Variants in DLGAP2 observed in about 807,000 individuals in gnomAD.
The protein encoded by DLGAP2 is DLG associated protein 2.
DLGAP2 carries 26 observed loss-of-function variants against 100.3 expected under a neutral mutation model. The observed-to-expected ratio is 0.26, with a 90% CI of 0.19 to 0.36. The LOEUF (loss-of-function observed/expected upper bound fraction) is 0.36. Ranked by LOEUF, DLGAP2 falls within the 10% of genes least tolerant of loss-of-function variation. The pLI, the probability that DLGAP2 is intolerant of heterozygous loss-of-function variation, is 1.00. For synonymous variants in DLGAP2, 886 were observed against 630.1 expected (o/e 1.41, Z -6.08); for missense variants, 1,858 against 1,453.2 (o/e 1.28, Z -4.53).
intron 2 of DLGAP2, among the ~76,000 whole-genome samples, chr8:1,106,431 G>T (rs1804772816): frequency 6.6e-6 from 1 of 150,654 alleles, no homozygotes; most frequent in South Asian, 2.1e-4. Context: ...ACTCTAGGAC[G>T]GTTTTCTACT....
chr8:1,051,305 G>C (rs572301005), intron 2 of DLGAP2, among the ~76,000 whole-genome samples: 1 of 152,228 alleles, frequency 6.6e-6, no homozygotes, highest in African/African-American at 2.4e-5. Flanking sequence ...GCACTCACCT[G>C]GGAGGGGCAC....
intron 3 of DLGAP2, among the ~76,000 whole-genome samples, chr8:1,323,662 C>T (rs552258660): frequency 6.6e-5 from 10 of 152,356 alleles, no homozygotes; most frequent in Admixed American, 5.2e-4. Context: ...CTCTTCTGGG[C>T]AGCTATCCTT....
At chr8:1,082,036 C>G (rs1563181812) in intron 2 of DLGAP2, among the ~76,000 whole-genome samples, 1 of 152,106 alleles carries the variant, frequency 6.6e-6, no homozygotes, top group African/African-American at 2.4e-5. Flanking sequence ...TGGCAGAGCC[C>G]CCTCTGTGCA....
At chr8:922,915 G>A (rs1798744227) in intron 2 of DLGAP2, among the ~76,000 whole-genome samples, 1 of 152,166 alleles carries the variant, frequency 6.6e-6, no homozygotes, top group South Asian at 2.1e-4. Context: ...TTCTTGAGGG[G>A]AAATGAGACC....
At chr8:1,442,901 TG>T (rs1412731966) in intron 3 of DLGAP2, among the ~76,000 whole-genome samples, 2 of 152,298 alleles carry the variant, frequency 1.3e-5, no homozygotes, top group Non-Finnish European at 2.9e-5. Context: ...TCTAGCTATT[TG>T]TATGACATAA....
At chr8:1,529,236 C>T (rs549827593) in intron 4 of DLGAP2, among the ~76,000 whole-genome samples, 56 of 152,226 alleles carry the variant, frequency 3.7e-4, no homozygotes, top group African/African-American at 1.3e-3. Flanking sequence ...CTTGTAAAAC[C>T]ATCAGATCTT....
At chr8:1,512,405 G>A (rs1159838282) in intron 4 of DLGAP2, among the ~76,000 whole-genome samples, 1 of 152,168 alleles carries the variant, frequency 6.6e-6, no homozygotes, top group Non-Finnish European at 1.5e-5. Context: ...GAAATCGTCG[G>A]CGGCATAGGG....
At chr8:742,124 A>G (rs1446336073) in intron 1 of DLGAP2, among the ~76,000 whole-genome samples, 2 of 152,260 alleles carry the variant, frequency 1.3e-5, no homozygotes, top group Non-Finnish European at 2.9e-5. Context: ...CCTGACAAGC[A>G]AATGGGATGT....
chr8:1,137,943 G>A (rs555258263), intron 2 of DLGAP2, among the ~76,000 whole-genome samples: 43 of 152,162 alleles, frequency 2.8e-4, no homozygotes, highest in Middle Eastern at 3.4e-3. Context: ...GGCATGGGCC[G>A]CCATGCTGGT....
At chr8:1,344,263 C>A (rs549258070) in intron 3 of DLGAP2, among the ~76,000 whole-genome samples, 3 of 141,176 alleles carry the variant, frequency 2.1e-5, no homozygotes, top group African/African-American at 8.1e-5. Flanking sequence ...AGTCTCCCCT[C>A]GAGCTACGTG....
At chr8:902,447 C>T (rs950926937) in intron 1 of DLGAP2, among the ~76,000 whole-genome samples, 1 of 148,372 alleles carries the variant, frequency 6.7e-6, no homozygotes, top group African/African-American at 2.5e-5. Context: ...GGGGTCCAGG[C>T]GTGTGCAAGG....
intron 2 of DLGAP2, among the ~76,000 whole-genome samples, chr8:1,011,165 C>G (rs1801271203): frequency 6.7e-6 from 1 of 150,102 alleles, no homozygotes; most frequent in African/African-American, 2.5e-5. Context: ...AATGAGGGGT[C>G]TTAGTCTACA....
chr8:1,594,715 C>T (rs752795979), intron 6 of DLGAP2, among the ~76,000 whole-genome samples: 9 of 152,134 alleles, frequency 5.9e-5, no homozygotes, highest in African/African-American at 9.7e-5. Context: ...TGAGCCACCG[C>T]GCCCGGCCAG....
At chr8:1,425,476 A>T (rs1003067056) in intron 3 of DLGAP2, among the ~76,000 whole-genome samples, 1 of 152,196 alleles carries the variant, frequency 6.6e-6, no homozygotes, top group African/African-American at 2.4e-5. Context: ...GAAGTGTCTG[A>T]TGGGAACACT....
At chr8:1,519,831 G>A (rs1472383290) in intron 4 of DLGAP2, among the ~76,000 whole-genome samples, 4 of 152,258 alleles carry the variant, frequency 2.6e-5, no homozygotes, top group Admixed American at 6.5e-5. Flanking sequence ...TGATGGCCCC[G>A]GCAGGGCCGC....
In DLGAP2 at chr8:1,671,007, C is replaced by T. The variant is rs1272077666; in HGVS notation, c.2202+1223C>T. ...GCAGGCTGTGGACAGGTGGCCACGT[C>T]CCTGCCAGGCACCATTTAATCCTTA... is the stretch of plus-strand genomic sequence containing the variant. On this transcript the variant is annotated intron_variant, in intron 10 of 14. Transcript: ENST00000637795. Among the ~76,000 whole-genome samples, 7 of 152,192 alleles carry T rather than the reference C, an allele frequency of 4.6e-5. No homozygotes were observed. In the East Asian group the frequency reaches 7.7e-4, roughly 17 times the overall value.
Position 1,549,396 on chromosome 8 carries a change from C to G in DLGAP2, c.943C>G (p.Leu315Val). ...CAGCACCTATCGGACGCCCAGCGTGCTCAACCGGCACCACCTGGGCCCCGT... is the reference window on the plus strand; with the variant it reads ...CAGCACCTATCGGACGCCCAGCGTGGTCAACCGGCACCACCTGGGCCCCGT... ...SDSTYRTPSV[L>V]NRHHLGPVAH... The change falls in exon 5 of 15, where the codon CTC becomes GTC. Residue 315 changes from leucine to valine, a missense_variant. Leu to Val is a conservative substitution (Grantham distance 32, BLOSUM62 1). Coordinates refer to ENST00000637795, the MANE Select transcript of DLGAP2 (RefSeq NM_001346810.2). 4 of 1,613,468 alleles carry G rather than the reference C, an allele frequency of 2.5e-6. No homozygotes were observed. Among genetic ancestry groups the G allele is most frequent in the South Asian group, 1.1e-5 (1 of 91,080 alleles).
chr8:1,008,856 C>T (rs1801197183), intron 2 of DLGAP2, among the ~76,000 whole-genome samples: 1 of 152,262 alleles, frequency 6.6e-6, no homozygotes, highest in Non-Finnish European at 1.5e-5. Flanking sequence ...CCTGATTCCG[C>T]CCAGGCAGCT....
chr8:1,527,984 C>G (rs566470529), intron 4 of DLGAP2, among the ~76,000 whole-genome samples: 26 of 151,522 alleles, frequency 1.7e-4, no homozygotes, highest in African/African-American at 6.1e-4. Flanking sequence ...ATTTTTTGTA[C>G]AGTTATGACA....
Sources: allele counts gnomAD v4.1 joint callset (sites outside exome capture counted in the v4.1 genomes callset), GRCh38; gene constraint gnomAD v4.1.1; transcripts MANE v1.5; gene names NCBI Gene and HGNC (gene_info 2026-07-23, HGNC 2026-07-21).